Variants in PDE4C observed in about 807,000 individuals in gnomAD.
The protein encoded by PDE4C is 3',5'-cyclic-AMP phosphodiesterase 4C.
In PDE4C, 50 loss-of-function variants were observed where a neutral mutation model predicts 63.9. That is an observed-to-expected ratio of 0.78 (90% CI 0.62 to 0.99). The LOEUF (loss-of-function observed/expected upper bound fraction) is 0.99, where lower values mean the gene tolerates loss of function less well. PDE4C is among the 50% of genes least tolerant of loss of function. The pLI is 0.00. For missense variants in PDE4C, 777 were observed against 899.1 expected (o/e 0.86, Z 1.74); for synonymous variants, 377 against 385.1 (o/e 0.98, Z 0.25).
chr19:18,219,463 C>T (rs1262355355), intron 7 of PDE4C, 66 bp from the exon 8 acceptor site: 2 of 1,500,076 alleles, frequency 1.3e-6, no homozygotes, highest in Non-Finnish European at 1.8e-6. Context: ...GCCTCAGGAC[C>T]TGAATTTTGC....
chr19:18,217,211 C>A (rs1474660577), intron 11 of PDE4C: 2 of 192,748 alleles, frequency 1.0e-5, no homozygotes, highest in African/African-American at 4.7e-5. Context: ...GTCACCCAGG[C>A]TGGAGTGCAG....
chr19:18,255,255 A>G, the PDE4C span: 1 of 398,736 alleles, frequency 2.5e-6, no homozygotes, highest in East Asian at 3.6e-5. The surrounding 1 kb of genome is among the most constrained non-coding windows in gnomAD (Gnocchi z 4.6). Flanking sequence ...ACCAGCTTTC[A>G]GCAGCACCAC....
chr19:18,226,334 T>C (rs749948784), exon 1 of PDE4C: 5 of 1,554,460 alleles, frequency 3.2e-6, no homozygotes, highest in Non-Finnish European at 3.5e-6. Flanking sequence ...AAAAGCTTCC[T>C]GAAGAGCCCG....
the PDE4C span, among the ~76,000 whole-genome samples, chr19:18,253,462 G>A: frequency 6.6e-6 from 1 of 151,708 alleles, no homozygotes; most frequent in East Asian, 1.9e-4. Flanking sequence ...GAGGTGGGAG[G>A]ATCGCTTGAG....
chr19:18,211,187 C>T, exon 15 of PDE4C: 1 of 1,614,076 alleles, frequency 6.2e-7, no homozygotes, highest in Non-Finnish European at 8.5e-7. Flanking sequence ...GATTGTCCTC[C>T]AGCGTGTCCA....
At chr19:18,239,483 C>T (rs1169061827) in intron 1 of PDE4C, among the ~76,000 whole-genome samples, 4 of 152,152 alleles carry the variant, frequency 2.6e-5, no homozygotes, top group Non-Finnish European at 5.9e-5. Context: ...GAAAGGGGTA[C>T]GGATCCCTCA....
intron 4 of PDE4C, 56 bp downstream of exon 4, chr19:18,221,049 T>TCCGCCAGGCCCAGCCCCACC: frequency 3.2e-6 from 4 of 1,239,968 alleles, no homozygotes; most frequent in Non-Finnish European, 3.4e-6. Context: ...CAGCCCGCTT[T>TCCGCCAGGCCCAGCCCCACC]CCGCCCACCT....
rs571659585 is a variant in PDE4C at position 18,233,106 on chromosome 19, G to A, written c.86C>T (p.Pro29Leu). The change falls in exon 1 of 15, where the codon CCG becomes CTG. Residue 29 changes from proline (P) to leucine (L), a missense_variant. Transcript: ENST00000594465. ...CCGGGGTTGCCGCCACAGGTGCTTC[G>A]GGGCTCTGGTCATGCTGTGGCGGCC... 35 of 1,567,954 alleles carry A rather than the reference G, an allele frequency of 2.2e-5. No individual in the cohort carries two copies. The East Asian group carries it at 5.7e-4, about 25-fold the overall frequency.
intron 1 of PDE4C, among the ~76,000 whole-genome samples, chr19:18,224,823 TG>T (rs1443994944): frequency 6.6e-6 from 1 of 152,096 alleles, no homozygotes; most frequent in African/African-American, 2.4e-5. Flanking sequence ...CCGTCTGGGG[TG>T]CGCCGTGGGC....
chr19:18,234,532 C>G (rs963025393), upstream of PDE4C, among the ~76,000 whole-genome samples: 1 of 152,138 alleles, frequency 6.6e-6, no homozygotes, highest in Admixed American at 6.5e-5. Flanking sequence ...CAGGGCTGGG[C>G]GGGTGAGTGT....
chr19:18,222,052 T>G, intron 2 of PDE4C, 80 bp downstream of exon 2: 1 of 1,258,212 alleles, frequency 7.9e-7, no homozygotes, highest in Non-Finnish European at 1.1e-6. Flanking sequence ...TAAATGGCTA[T>G]TTGAAGGAGC....
chr19:18,231,177 G>T (rs558504321), upstream of PDE4C, among the ~76,000 whole-genome samples: 1 of 152,232 alleles, frequency 6.6e-6, no homozygotes, highest in African/African-American at 2.4e-5. Context: ...TCCCCCTGGG[G>T]TGAACCCCTA....
rs141224065 is a variant in PDE4C, at chr19:18,243,227, A to G, written c.-210+4944T>C. On this transcript the variant is annotated intron_variant, in intron 1 of 15. Transcript: ENST00000594617. The stretch of plus-strand genomic sequence containing the variant: ...CATTTTCAAGCAATTCTCCTGCCTC[A>G]GCCTCCCGAGTAGCTGGGATTACAG... Among the ~76,000 whole-genome samples the G allele has an allele frequency of 6.6e-5, 10 of 152,186 alleles. No homozygotes were observed. In the East Asian group the frequency reaches 1.9e-3, roughly 29 times the overall value.
At chr19:18,221,076 GC>G in intron 4 of PDE4C, 28 bp downstream of exon 4, 2 of 724,456 alleles carry the variant, frequency 2.8e-6, no homozygotes, top group Non-Finnish European at 4.0e-6. Context: ...TGCCGGCCCC[GC>G]CCCCGCCCCG....
intron 1 of PDE4C, chr19:18,224,098 C>G: frequency 1.6e-6 from 1 of 634,808 alleles, no homozygotes; most frequent in Non-Finnish European, 2.0e-6. Flanking sequence ...TCTGCCCGGC[C>G]CACCCTCCTC....
intron 1 of PDE4C, among the ~76,000 whole-genome samples, chr19:18,245,840 TTTATTA>T (rs1969118896): frequency 2.6e-5 from 4 of 152,092 alleles, no homozygotes; most frequent in Admixed American, 2.6e-4. Context: ...CCTTTATTTA[TTTATTA>T]TTATCATTAT....
Position 18,233,075 on chromosome 19 carries a change from G to A in PDE4C, c.117C>T (p.Pro39=), listed in dbSNP as rs1243210566. The A allele has an allele frequency of 4.5e-6, 7 of 1,570,296 alleles. No homozygotes were observed. The Admixed American group carries it at 7.5e-5, about 17-fold the overall frequency. The change falls in exon 1 of 15, where the codon CCC becomes CCT. Residue 39 remains proline (P), a synonymous_variant. Transcript: ENST00000594465. The stretch of plus-strand genomic sequence containing the variant: ...AATAGAAGCGCTGTTGGATGCGGAT[G>A]GGGCGCCGGGGTTGCCGCCACAGGT...
At chr19:18,227,620 A>T (rs1968768853), upstream of PDE4C, among the ~76,000 whole-genome samples, 1 of 152,180 alleles carries the variant, frequency 6.6e-6, no homozygotes, top group East Asian at 1.9e-4. Context: ...CAGAAAAGGA[A>T]ACCAAGGCTT....
upstream of PDE4C, among the ~76,000 whole-genome samples, chr19:18,250,927 C>T (rs1969222412): frequency 1.3e-5 from 2 of 152,166 alleles, no homozygotes; most frequent in South Asian, 4.2e-4. Flanking sequence ...GTGTGTGCCA[C>T]CACACCCAGC....
Sources: gnomAD v4.1 joint callset for allele counts (sites outside exome capture counted in the v4.1 genomes callset) on GRCh38, gnomAD v4.1.1 for gene constraint, Gnocchi (gnomAD v3.1) non-coding constraint, MANE v1.5 for transcripts, NCBI Gene and HGNC (gene_info 2026-07-23, HGNC 2026-07-21) for gene names.